Variants in PLXDC2 observed in about 807,000 individuals in gnomAD.
The protein encoded by PLXDC2 is plexin domain containing 2, also known as plexin domain-containing protein 2.
A neutral mutation model predicts 68.9 loss-of-function variants in PLXDC2; 40 were observed. The observed-to-expected ratio is 0.58, with a 90% CI of 0.45 to 0.76. The LOEUF (loss-of-function observed/expected upper bound fraction) is 0.76, where lower values mean the gene tolerates loss of function less well. Ranked by LOEUF, PLXDC2 falls within the 30% of genes least tolerant of loss-of-function variation. The pLI, the probability that PLXDC2 is intolerant of heterozygous loss-of-function variation, is 0.00. For missense variants in PLXDC2, 644 were observed against 661.9 expected (o/e 0.97, Z 0.30); for synonymous variants, 243 against 234.2 (o/e 1.04, Z -0.34).
chr10:20,190,050 A>G (rs1369266982), intron 9 of PLXDC2, among the ~76,000 whole-genome samples: 1 of 151,820 alleles, frequency 6.6e-6, no homozygotes, highest in East Asian at 1.9e-4. Flanking sequence ...TCTGAGTACC[A>G]TTTGGCAAAC....
At chr10:20,224,382 A>C (rs1323761237) in intron 12 of PLXDC2, among the ~76,000 whole-genome samples, 1 of 152,202 alleles carries the variant, frequency 6.6e-6, no homozygotes, top group Non-Finnish European at 1.5e-5. Context: ...TGGATTTTCA[A>C]ATCCTAGAAG....
At chr10:19,942,892 A>G (rs1003011905) in intron 1 of PLXDC2, among the ~76,000 whole-genome samples, 14 of 152,214 alleles carry the variant, frequency 9.2e-5, no homozygotes, top group African/African-American at 3.4e-4. Flanking sequence ...AGTTGACGAA[A>G]TGTTCATTTA....
chr10:20,126,798 G>GTTATATATGTATATAGAACACACA (rs1833795779), intron 4 of PLXDC2, among the ~76,000 whole-genome samples: 1 of 31,150 alleles, frequency 3.2e-5, no homozygotes, highest in Non-Finnish European at 8.2e-5. Flanking sequence ...TAGAACACAC[G>GTTATATATGTATATAGAACACACA]TTATATATGT....
chr10:19,862,092 G>A (rs1001578664), intron 1 of PLXDC2, among the ~76,000 whole-genome samples: 5 of 152,100 alleles, frequency 3.3e-5, no homozygotes, highest in African/African-American at 1.2e-4. Flanking sequence ...TTTTTTGGTA[G>A]AACTTATAGT....
chr10:20,060,859 C>A (rs555972440), intron 3 of PLXDC2, among the ~76,000 whole-genome samples: 1 of 152,180 alleles, frequency 6.6e-6, no homozygotes, highest in South Asian at 2.1e-4. Context: ...AAATGAATCA[C>A]GTAGTATAAA....
At chr10:20,061,454 A>T (rs1490477147) in intron 3 of PLXDC2, among the ~76,000 whole-genome samples, 2 of 152,178 alleles carry the variant, frequency 1.3e-5, no homozygotes, top group African/African-American at 4.8e-5. Context: ...CGTGCATCAT[A>T]TCATGAGGTA....
At chr10:19,868,655 T>G (rs1453635798) in intron 1 of PLXDC2, among the ~76,000 whole-genome samples, 2 of 152,256 alleles carry the variant, frequency 1.3e-5, no homozygotes, top group Non-Finnish European at 2.9e-5. Flanking sequence ...TAGAGACCAC[T>G]ACTAGTGTAT....
At chr10:19,837,553 G>T (rs1589493269) in intron 1 of PLXDC2, among the ~76,000 whole-genome samples, 1 of 152,034 alleles carries the variant, frequency 6.6e-6, no homozygotes, top group South Asian at 2.1e-4. Context: ...CAATATTTAT[G>T]GGTGAATGCT....
chr10:20,170,754 A>G (rs937415713), intron 7 of PLXDC2, among the ~76,000 whole-genome samples: 3 of 152,016 alleles, frequency 2.0e-5, no homozygotes, highest in Non-Finnish European at 4.4e-5. Context: ...TGAATTTTTA[A>G]TTGAATTTAA....
rs149022382 is a variant in PLXDC2, at chr10:20,265,897, CCTT to C, written c.1474-13802_1474-13800del. Among the ~76,000 whole-genome samples the C allele has an allele frequency of 4.6e-3, 704 of 152,242 alleles. 8 individuals are homozygous for C. The highest frequency in any genetic ancestry group is 0.014 in the African/African-American group (574 of 41,536). On this transcript the variant is annotated intron_variant, in intron 13 of 13. Coordinates refer to ENST00000377252, the MANE Select transcript of PLXDC2 (RefSeq NM_032812.9). ...GACAATTACGTGTGCCTTTGCCACACCTTCTTTCCTGCCCCACCAACGGGATAT... is the reference window on the plus strand; with the variant it reads ...GACAATTACGTGTGCCTTTGCCACACCTTTCCTGCCCCACCAACGGGATAT...
intron 4 of PLXDC2, among the ~76,000 whole-genome samples, chr10:20,126,328 T>TTCGTTATATA (rs879315209): frequency 6.9e-6 from 1 of 144,892 alleles, no homozygotes; most frequent in East Asian, 2.0e-4. Flanking sequence ...AATATATACA[T>TTCGTTATATA]ATACGTTATA....
At chr10:20,022,654 G>A (rs1054409010) in intron 2 of PLXDC2, among the ~76,000 whole-genome samples, 6 of 152,156 alleles carry the variant, frequency 3.9e-5, no homozygotes, top group African/African-American at 9.7e-5. Flanking sequence ...GACACATTCA[G>A]TATGGGTCCT....
chr10:20,245,141 A>G (rs886157180), intron 12 of PLXDC2, among the ~76,000 whole-genome samples: 3 of 152,192 alleles, frequency 2.0e-5, no homozygotes, highest in African/African-American at 7.2e-5. Context: ...ACACAGTGAT[A>G]AATGTATTTT....
intron 13 of PLXDC2, among the ~76,000 whole-genome samples, chr10:20,278,458 G>A (rs948112430): frequency 2.6e-5 from 4 of 152,166 alleles, no homozygotes; most frequent in African/African-American, 9.7e-5. Context: ...TTGTTTTGCT[G>A]TGTGGCCCTC....
At chr10:19,966,450 T>TATATATAAAAC (rs1564641887) in intron 1 of PLXDC2, among the ~76,000 whole-genome samples, 3 of 16,740 alleles carry the variant, frequency 1.8e-4, no homozygotes, top group African/African-American at 6.6e-4. Flanking sequence ...ATATAAAACA[T>TATATATAAAAC]GTGTGTATAT....
At chr10:19,866,787 A>G (rs1052896627) in intron 1 of PLXDC2, among the ~76,000 whole-genome samples, 2 of 152,186 alleles carry the variant, frequency 1.3e-5, no homozygotes, top group Non-Finnish European at 2.9e-5. Flanking sequence ...GAAAAGAAGA[A>G]CTTACAGGCA....
intron 12 of PLXDC2, among the ~76,000 whole-genome samples, chr10:20,237,414 A>T (rs1165233223): frequency 6.6e-6 from 1 of 152,198 alleles, no homozygotes; most frequent in Non-Finnish European, 1.5e-5. Context: ...ATTACAAAAG[A>T]CATAAAACAC....
At chr10:20,217,598 T>TTC in intron 11 of PLXDC2, 22 bp downstream of exon 11, 1 of 162,646 alleles carries the variant, frequency 6.1e-6, no homozygotes, top group Non-Finnish European at 8.3e-6. Context: ...ATAGTTTGCT[T>TTC]TTTTTTTTTT....
chr10:20,147,123 A>C lies in PLXDC2; in HGVS notation c.665-661A>C, dbSNP rs376858542. Among the ~76,000 whole-genome samples the C allele has an allele frequency of 5.9e-5, 9 of 152,258 alleles. No homozygotes were observed. The East Asian group carries it at 1.2e-3, about 20-fold the overall frequency. ...ATTTCATGCCCAATCGTTTATGGTA[A>C]ACACTGACAGAGTGATTCAGAATAT... On this transcript the variant is annotated intron_variant, in intron 5 of 13. Transcript: ENST00000377252.
Sources: gnomAD v4.1 joint callset for allele counts (sites outside exome capture counted in the v4.1 genomes callset) on GRCh38, gnomAD v4.1.1 for gene constraint, MANE v1.5 for transcripts, NCBI Gene and HGNC (gene_info 2026-07-23, HGNC 2026-07-21) for gene names.